The following IER3IP1 variants were observed in gnomAD, a reference collection of about 807,000 sequenced individuals.
IER3IP1 encodes immediate early response 3 interacting protein 1, also known as immediate early response 3-interacting protein 1.
A neutral mutation model predicts 12.2 loss-of-function variants in IER3IP1; 16 were observed. The observed-to-expected ratio is 1.31, with a 90% CI of 0.89 to 1.99. The LOEUF is 1.99. IER3IP1 is among the 30% of genes most tolerant of loss of function. IER3IP1 has a pLI of 0.00. For missense variants in IER3IP1, 95 were observed against 95.8 expected (o/e 0.99, Z 0.03); for synonymous variants, 42 against 40.0 (o/e 1.05, Z -0.19).
At position 47,155,022 on chromosome 18, in the gene IER3IP1, T is replaced by C. The variant is rs2063953189; in HGVS notation, c.*1155A>G. 1 of 152,242 alleles carries C rather than the reference T, an allele frequency of 6.6e-6. No individual in the cohort carries two copies. The highest frequency in any genetic ancestry group is 2.1e-4 in the South Asian group (1 of 4,838). 9.4% of individuals were successfully genotyped at this position (152,242 alleles called of 1,614,324 possible). A position where few individuals can be genotyped will look rare whatever the true frequency, so the allele number is the denominator to read the frequency against. ...GCAGTTAACACTGACAGGTTTATACTAAGGTACAAAAACAAGTGCTTGACT... is the reference window on the plus strand; with the variant it reads ...GCAGTTAACACTGACAGGTTTATACCAAGGTACAAAAACAAGTGCTTGACT... On this transcript the variant is annotated 3_prime_UTR_variant, in exon 3 of 3. Transcript: ENST00000256433.
intron 1 of IER3IP1, among the ~76,000 whole-genome samples, chr18:47,174,070 G>T (rs1461789724): frequency 6.6e-6 from 1 of 152,124 alleles, no homozygotes; most frequent in Non-Finnish European, 1.5e-5. Context: ...AGGTATCAAG[G>T]GTTGGGACTT....
chr18:47,163,929 A>G, intron 1 of IER3IP1, among the ~76,000 whole-genome samples: 1 of 152,172 alleles, frequency 6.6e-6, no homozygotes, highest in East Asian at 1.9e-4. Context: ...TTGTTTTAAA[A>G]TGTATCATTG....
chr18:47,174,601 G>A (rs957598284), intron 1 of IER3IP1, among the ~76,000 whole-genome samples: 2 of 151,694 alleles, frequency 1.3e-5, no homozygotes, highest in African/African-American at 4.8e-5. Flanking sequence ...CCTGGGAGGC[G>A]GAGGATGCAG....
chr18:47,160,121 G>C (rs1428605621), intron 1 of IER3IP1, among the ~76,000 whole-genome samples: 1 of 152,006 alleles, frequency 6.6e-6, no homozygotes, highest in African/African-American at 2.4e-5. Flanking sequence ...CTTGAACCCG[G>C]GAGGTGGAGG....
chr18:47,173,028 T>C (rs2064020014), intron 1 of IER3IP1, among the ~76,000 whole-genome samples: 1 of 152,214 alleles, frequency 6.6e-6, no homozygotes, highest in South Asian at 2.1e-4. Flanking sequence ...CATGACTTCA[T>C]TTATTATCTA....
chr18:47,169,217 C>T (rs748004861), intron 1 of IER3IP1, among the ~76,000 whole-genome samples: 3 of 152,210 alleles, frequency 2.0e-5, no homozygotes, highest in Non-Finnish European at 4.4e-5. Context: ...CGACTAGCTT[C>T]TTTCACTTAA....
chr18:47,157,281 A>G, intron 2 of IER3IP1, 155 bp downstream of exon 2: 1 of 652,574 alleles, frequency 1.5e-6, no homozygotes, highest in Non-Finnish European at 2.7e-6. Flanking sequence ...AAGAAAAAAA[A>G]AAAAAAAACC....
chr18:47,160,340 C>CT (rs1381452652), intron 1 of IER3IP1, among the ~76,000 whole-genome samples: 7 of 152,222 alleles, frequency 4.6e-5, no homozygotes, highest in African/African-American at 1.7e-4. Flanking sequence ...TGCTGCATCA[C>CT]TGTCTTCTTA....
chr18:47,156,376 A>G (rs1467950556), intron 2 of IER3IP1, 144 bp from the exon 3 acceptor site: 1 of 619,982 alleles, frequency 1.6e-6, no homozygotes, highest in African/African-American at 1.8e-5. Flanking sequence ...ACAAAGAAAC[A>G]TTCTAAAATA....
At chr18:47,175,224 T>A (rs1166164879) in intron 1 of IER3IP1, among the ~76,000 whole-genome samples, 1 of 152,172 alleles carries the variant, frequency 6.6e-6, no homozygotes, top group African/African-American at 2.4e-5. Flanking sequence ...ATAACTTGTG[T>A]TTTCATTTTT....
At chr18:47,175,799 G>C (rs1165383415) in intron 1 of IER3IP1, among the ~76,000 whole-genome samples, 1 of 151,648 alleles carries the variant, frequency 6.6e-6, no homozygotes, top group Non-Finnish European at 1.5e-5. Flanking sequence ...CAGACCCCGG[G>C]TTTTCGACTA....
At chr18:47,163,534 A>C (rs1183712394) in intron 1 of IER3IP1, among the ~76,000 whole-genome samples, 2 of 152,198 alleles carry the variant, frequency 1.3e-5, no homozygotes, top group African/African-American at 4.8e-5. Flanking sequence ...AACTGTGGAA[A>C]GCGAAACTGT....
intron 1 of IER3IP1, among the ~76,000 whole-genome samples, chr18:47,170,268 TC>T (rs2064011143): frequency 6.6e-6 from 1 of 152,124 alleles, no homozygotes; most frequent in Non-Finnish European, 1.5e-5. Context: ...GATCTATGTC[TC>T]CCCTTATGCC....
At chr18:47,175,121 G>T (rs909328611) in intron 1 of IER3IP1, among the ~76,000 whole-genome samples, 12 of 152,152 alleles carry the variant, frequency 7.9e-5, no homozygotes, top group African/African-American at 2.7e-4. Flanking sequence ...AATATCTTCT[G>T]AAGTAAATGA....
chr18:47,159,877 T>A (rs1282876615), intron 1 of IER3IP1, among the ~76,000 whole-genome samples: 1 of 152,106 alleles, frequency 6.6e-6, no homozygotes, highest in Non-Finnish European at 1.5e-5. Flanking sequence ...TTGATATACA[T>A]CAACATGAGC....
rs1313371571 is a variant in IER3IP1, at chr18:47,154,866, T to C, written c.*1311A>G. On this transcript the variant is annotated 3_prime_UTR_variant, in exon 3 of 3. Coordinates refer to ENST00000256433, the MANE Select transcript of IER3IP1 (RefSeq NM_016097.5). ...GGTGCTCATGAGTCTTCTGGATGTATGTCAGCAATTCAGTTAATTCACTGA... is the reference window on the plus strand; with the variant it reads ...GGTGCTCATGAGTCTTCTGGATGTACGTCAGCAATTCAGTTAATTCACTGA... 2 of 152,190 alleles carry C rather than the reference T, an allele frequency of 1.3e-5. No individual in the cohort carries two copies. Among genetic ancestry groups the C allele is most frequent in the Non-Finnish European group, 2.9e-5 (2 of 68,036 alleles). 9.4% of individuals were successfully genotyped at this position (152,190 alleles called of 1,614,324 possible). A position where few individuals can be genotyped will look rare whatever the true frequency, so the allele number is the denominator to read the frequency against.
chr18:47,169,643 C>T (rs1364473701), intron 1 of IER3IP1, among the ~76,000 whole-genome samples: 3 of 151,342 alleles, frequency 2.0e-5, no homozygotes, highest in Non-Finnish European at 4.4e-5. Context: ...TATAGCCATC[C>T]TGGTTGGTGT....
In IER3IP1 at chr18:47,176,262, A is replaced by C; in HGVS notation, c.16T>G (p.Tyr6Asp). Residue 6 changes from tyrosine (Y) to aspartate (D), a missense_variant, in exon 1 of 3, where the codon TAC becomes GAC. Physicochemically the swap from Tyr to Asp is radical, Grantham distance 160. Transcript: ENST00000256433. MAFTL[Y>D]SLLQAALLCV... ...AGCAGGGCTGCCTGCAGCAGTGAGTACAGGGTAAAGGCCATGGCCGTCCGA... is the reference window on the plus strand; with the variant it reads ...AGCAGGGCTGCCTGCAGCAGTGAGTCCAGGGTAAAGGCCATGGCCGTCCGA... 1.2e-6 allele frequency: 2 copies of C among 1,609,534 alleles called. No individual in the cohort carries two copies. Among genetic ancestry groups the C allele is most frequent in the Non-Finnish European group, 1.7e-6 (2 of 1,178,064 alleles).
In IER3IP1 at chr18:47,153,343, G is replaced by A. The variant is rs1370168310; in HGVS notation, c.*2834C>T. 6.6e-6 allele frequency: 1 copy of A among 152,214 alleles called. No homozygotes were observed. Among genetic ancestry groups the A allele is most frequent in the Admixed American group, 6.5e-5 (1 of 15,268 alleles). 9.4% of individuals were successfully genotyped at this position (152,214 alleles called of 1,614,324 possible). A position where few individuals can be genotyped will look rare whatever the true frequency, so the allele number is the denominator to read the frequency against. On this transcript the variant is annotated 3_prime_UTR_variant, in exon 3 of 3. Coordinates refer to ENST00000256433, the MANE Select transcript of IER3IP1 (RefSeq NM_016097.5). ...ACTGGACTACTGTACATTGTACTCA[G>A]TATGTAGTTTCTGTTTCCCTCACCC... is the stretch of plus-strand genomic sequence containing the variant.
Sources: gnomAD v4.1 joint callset for allele counts (sites outside exome capture counted in the v4.1 genomes callset) on GRCh38, gnomAD v4.1.1 for gene constraint, MANE v1.5 for transcripts, NCBI Gene and HGNC (gene_info 2026-07-23, HGNC 2026-07-21) for gene names.